ESR1: variants seen among roughly 807,000 people sequenced by gnomAD.
ESR1 encodes estrogen receptor.
ESR1 carries 12 observed loss-of-function variants against 52.7 expected under a neutral mutation model. The ratio of observed to expected loss-of-function variants is 0.23; its 90% CI spans 0.15 to 0.37. The LOEUF (loss-of-function observed/expected upper bound fraction) is 0.37. ESR1 is among the 10% of genes least tolerant of loss of function. ESR1 has a pLI of 1.00. For synonymous variants in ESR1, 305 were observed against 316.8 expected (o/e 0.96, Z 0.39); for missense variants, 584 against 779.7 (o/e 0.75, Z 2.99).
upstream of ESR1, among the ~76,000 whole-genome samples, chr6:151,802,230 A>T (rs1390150720): frequency 1.3e-5 from 2 of 152,236 alleles, no homozygotes. Context: ...ATAAGTGACC[A>T]AACTATTTGT....
At chr6:152,002,417 G>C (rs1400844161) in intron 4 of ESR1, among the ~76,000 whole-genome samples, 1 of 151,922 alleles carries the variant, frequency 6.6e-6, no homozygotes, top group Non-Finnish European at 1.5e-5. Context: ...CAGTTATCTG[G>C]AAAATGCAGA....
At chr6:152,067,896 A>C (rs769509850) in intron 6 of ESR1, among the ~76,000 whole-genome samples, 4 of 152,240 alleles carry the variant, frequency 2.6e-5, no homozygotes, top group Non-Finnish European at 4.4e-5. Flanking sequence ...AAATGTTCTT[A>C]GTATGCCAAT....
At chr6:151,696,189 G>A (rs955434340) in intron 1 of ESR1, among the ~76,000 whole-genome samples, 16 of 152,078 alleles carry the variant, frequency 1.1e-4, no homozygotes, top group African/African-American at 3.9e-4. Flanking sequence ...AGTGCCTCAG[G>A]GCTGGGCATG....
chr6:152,005,561 G>T (rs932358988), intron 4 of ESR1, among the ~76,000 whole-genome samples: 1 of 152,048 alleles, frequency 6.6e-6, no homozygotes, highest in African/African-American at 2.4e-5. Context: ...GGCAGAAATT[G>T]CAGCCTGTTG....
intron 5 of ESR1, among the ~76,000 whole-genome samples, chr6:152,027,898 C>A (rs1228322584): frequency 3.3e-5 from 5 of 152,022 alleles, no homozygotes; most frequent in African/African-American, 1.2e-4. Flanking sequence ...AATCCCAGCA[C>A]TTTGGGAGGC....
chr6:151,800,995 A>G (rs763442382), upstream of ESR1, among the ~76,000 whole-genome samples: 5 of 152,024 alleles, frequency 3.3e-5, 1 homozygote, highest in Non-Finnish European at 7.4e-5. Flanking sequence ...TTTTTTAAAA[A>G]AAATCATTTG....
intron 4 of ESR1, among the ~76,000 whole-genome samples, chr6:152,005,195 A>G (rs898116273): frequency 2.6e-5 from 4 of 151,946 alleles, no homozygotes; most frequent in African/African-American, 9.7e-5. Context: ...GGACATGCTA[A>G]ACATCTTGAA....
chr6:151,876,052 T>C (rs1001124813), intron 2 of ESR1, among the ~76,000 whole-genome samples: 4 of 151,872 alleles, frequency 2.6e-5, no homozygotes, highest in East Asian at 1.9e-4. Flanking sequence ...CTGGAGAAGG[T>C]ATGGTGGTGC....
At chr6:152,034,571 C>G (rs1434864531) in intron 5 of ESR1, among the ~76,000 whole-genome samples, 1 of 151,930 alleles carries the variant, frequency 6.6e-6, no homozygotes, top group East Asian at 1.9e-4. Context: ...TGTTTAATTT[C>G]TCGTATTTTT....
intron 6 of ESR1, among the ~76,000 whole-genome samples, chr6:152,069,917 A>T (rs148918591): frequency 7.3e-6 from 1 of 137,486 alleles, no homozygotes; most frequent in African/African-American, 3.2e-5. Context: ...TTCAAAGCTT[A>T]TGCTTTTGTT....
intron 2 of ESR1, among the ~76,000 whole-genome samples, chr6:151,789,121 A>C (rs547175639): frequency 9.9e-5 from 15 of 152,244 alleles, no homozygotes; most frequent in Admixed American, 7.2e-4. Context: ...TTAAAAAAAA[A>C]CCCCAAAAGG....
chr6:152,030,730 G>A (rs1466052059), intron 5 of ESR1, among the ~76,000 whole-genome samples: 5 of 152,094 alleles, frequency 3.3e-5, no homozygotes, highest in South Asian at 2.1e-4. Flanking sequence ...ACAGATCAAC[G>A]AGACAGAAAA....
At chr6:151,917,467 T>C (rs1348472485) in intron 3 of ESR1, among the ~76,000 whole-genome samples, 1 of 152,192 alleles carries the variant, frequency 6.6e-6, no homozygotes, top group Non-Finnish European at 1.5e-5. Flanking sequence ...TCTCTAGAAA[T>C]GTTTTTATTA....
intron 5 of ESR1, among the ~76,000 whole-genome samples, chr6:152,057,714 C>G (rs1353395475): frequency 1.3e-5 from 2 of 151,874 alleles, no homozygotes; most frequent in East Asian, 1.9e-4. Context: ...CACACACACA[C>G]ACACACACAC....
chr6:151,710,653 A>G (rs1390537609), intron 2 of ESR1, among the ~76,000 whole-genome samples: 4 of 152,126 alleles, frequency 2.6e-5, no homozygotes, highest in African/African-American at 9.7e-5. Flanking sequence ...TACACATGCC[A>G]TGGTGGTTTG....
intron 1 of ESR1, among the ~76,000 whole-genome samples, chr6:151,825,929 A>AG (rs1297193208): frequency 1.4e-5 from 2 of 145,712 alleles, no homozygotes; most frequent in Admixed American, 1.4e-4. Flanking sequence ...AAAAAAAAAA[A>AG]AAGAAAGAAA....
intron 3 of ESR1, among the ~76,000 whole-genome samples, chr6:151,915,780 C>G (rs907152783): frequency 2.0e-5 from 3 of 152,036 alleles, no homozygotes; most frequent in Non-Finnish European, 2.9e-5. Flanking sequence ...GGATTTTTTT[C>G]TGCTACCCTG....
At chr6:151,939,105 A>G (rs954784231) in intron 3 of ESR1, among the ~76,000 whole-genome samples, 2 of 152,216 alleles carry the variant, frequency 1.3e-5, no homozygotes, top group African/African-American at 4.8e-5. Flanking sequence ...ATACTGCTCA[A>G]CCATTCTGGA....
intron 3 of ESR1, among the ~76,000 whole-genome samples, chr6:151,907,980 A>G (rs1797701228): frequency 6.6e-6 from 1 of 152,218 alleles, no homozygotes; most frequent in Non-Finnish European, 1.5e-5. Context: ...CTGAGCAATA[A>G]CAAAGAGGGT....
Sources: gnomAD v4.1 joint callset for allele counts (sites outside exome capture counted in the v4.1 genomes callset) on GRCh38, gnomAD v4.1.1 for gene constraint, MANE v1.5 for transcripts, NCBI Gene and HGNC (gene_info 2026-07-23, HGNC 2026-07-21) for gene names.